DLG2: variants seen among roughly 807,000 people sequenced by gnomAD.
DLG2 encodes the protein discs large MAGUK scaffold protein 2.
In DLG2, 45 loss-of-function variants were observed where a neutral mutation model predicts 132.5. The observed-to-expected ratio is 0.34, with a 90% CI of 0.27 to 0.44. The LOEUF (loss-of-function observed/expected upper bound fraction) is 0.44, where lower values mean the gene tolerates loss of function less well. DLG2 is among the 20% of genes least tolerant of loss of function. The probability of loss-of-function intolerance (pLI) is 1.00; values close to 1 mark genes in which losing one functional copy is unlikely to be tolerated. For missense variants in DLG2, 1,045 were observed against 1,196.9 expected (o/e 0.87, Z 1.87); for synonymous variants, 424 against 419.6 (o/e 1.01, Z -0.13).
chr11:85,518,677 C>A (rs184006376), intron 3 of DLG2, among the ~76,000 whole-genome samples: 2 of 152,240 alleles, frequency 1.3e-5, no homozygotes, highest in Admixed American at 6.5e-5. Context: ...AACAAGGAGC[C>A]GAATGTTAAT....
At chr11:84,617,945 A>G (rs948594673) in intron 6 of DLG2, among the ~76,000 whole-genome samples, 1 of 152,116 alleles carries the variant, frequency 6.6e-6, no homozygotes, top group East Asian at 1.9e-4. Context: ...GTAAAGGGTA[A>G]AACAGGTATG....
chr11:83,463,551 G>A (rs1178619818), intron 26 of DLG2, among the ~76,000 whole-genome samples: 1 of 151,346 alleles, frequency 6.6e-6, no homozygotes, highest in Non-Finnish European at 1.5e-5. Flanking sequence ...CACCTTGGGA[G>A]GCTGAGGCAG....
intron 4 of DLG2, among the ~76,000 whole-genome samples, chr11:85,212,303 C>T (rs2082303760): frequency 6.6e-6 from 1 of 152,098 alleles, no homozygotes; most frequent in East Asian, 1.9e-4. Context: ...TTTCCACTCA[C>T]TCCCTCTCCT....
intron 4 of DLG2, among the ~76,000 whole-genome samples, chr11:85,265,892 CT>C (rs534756676): frequency 4.1e-4 from 62 of 152,292 alleles, no homozygotes; most frequent in African/African-American, 1.4e-3. Context: ...CTGCTGAAAG[CT>C]TCTCTCATTG....
intron 6 of DLG2, among the ~76,000 whole-genome samples, chr11:85,090,617 TCTC>T (rs1034893891): frequency 6.6e-6 from 1 of 152,170 alleles, no homozygotes; most frequent in African/African-American, 2.4e-5. Context: ...TCTCTTAACT[TCTC>T]CTCAACAATA....
In DLG2 at chr11:83,471,606, G is replaced by T. The variant is rs771369935; in HGVS notation, c.2446+20C>A. 6.3e-7 allele frequency: 1 copy of T among 1,575,954 alleles called. No individual in the cohort carries two copies. Among genetic ancestry groups the T allele is most frequent in the Non-Finnish European group, 8.7e-7 (1 of 1,146,266 alleles). ...CAAGCTCTTTTTGTTTTTCCTAGAGGAAAGAAAAATGACACTTACGAGGCA... is the reference window on the plus strand; with the variant it reads ...CAAGCTCTTTTTGTTTTTCCTAGAGTAAAGAAAAATGACACTTACGAGGCA... On this transcript the variant is annotated intron_variant, in intron 24 of 27. Transcript: ENST00000376104.
chr11:84,927,571 G>A lies in DLG2; in HGVS notation c.357+184090C>T, dbSNP rs186784576. Among the ~76,000 whole-genome samples the A allele has an allele frequency of 7.9e-5, 12 of 152,032 alleles. No homozygotes were observed. The East Asian group carries it at 1.9e-3, about 24-fold the overall frequency. On this transcript the variant is annotated intron_variant, in intron 6 of 27. Coordinates refer to ENST00000376104, the MANE Select transcript of DLG2 (RefSeq NM_001142699.3). ...AATATTTCAGGCTTGTAAGCCATACGATCTGTCACAACTACTCCATTTTAA... is the reference window on the plus strand; with the variant it reads ...AATATTTCAGGCTTGTAAGCCATACAATCTGTCACAACTACTCCATTTTAA...
chr11:84,949,381 G>C (rs1432649493), intron 6 of DLG2, among the ~76,000 whole-genome samples: 2 of 152,126 alleles, frequency 1.3e-5, no homozygotes, highest in Non-Finnish European at 2.9e-5. Flanking sequence ...TAATGAAGTT[G>C]AGACAGGGAT....
intron 8 of DLG2, among the ~76,000 whole-genome samples, chr11:84,228,709 C>T (rs930350479): frequency 1.3e-5 from 2 of 152,154 alleles, no homozygotes; most frequent in African/African-American, 2.4e-5. Context: ...AAGATAATAA[C>T]TGTCTTTTAG....
intron 6 of DLG2, among the ~76,000 whole-genome samples, chr11:84,624,265 C>A (rs1218972486): frequency 6.6e-6 from 1 of 152,160 alleles, no homozygotes; most frequent in Non-Finnish European, 1.5e-5. Flanking sequence ...TACAGAGGAT[C>A]TGAGGCATTA....
At chr11:85,531,663 G>C (rs2075217158) in intron 3 of DLG2, among the ~76,000 whole-genome samples, 1 of 152,184 alleles carries the variant, frequency 6.6e-6, no homozygotes, top group African/African-American at 2.4e-5. Flanking sequence ...AGGAAGAGAA[G>C]TGGGCGTAGA....
At chr11:85,599,990 C>T (rs1481501492) in intron 2 of DLG2, among the ~76,000 whole-genome samples, 1 of 152,084 alleles carries the variant, frequency 6.6e-6, no homozygotes, top group Admixed American at 6.6e-5. Context: ...ATAACAATAG[C>T]TTATATTTAT....
intron 18 of DLG2, among the ~76,000 whole-genome samples, chr11:83,720,316 A>AAAAAAAAAAAAAAC (rs2088111417): frequency 6.8e-6 from 1 of 148,070 alleles, no homozygotes; most frequent in Non-Finnish European, 1.5e-5. Flanking sequence ...AAAAAAAAAA[A>AAAAAAAAAAAAAAC]AAAAAAAAAA....
At chr11:84,411,292 C>T (rs1319800259) in intron 7 of DLG2, among the ~76,000 whole-genome samples, 1 of 152,150 alleles carries the variant, frequency 6.6e-6, no homozygotes, top group East Asian at 1.9e-4. Flanking sequence ...CACAACAGCT[C>T]CTTATATGCT....
intron 4 of DLG2, among the ~76,000 whole-genome samples, chr11:85,192,043 G>A (rs2080626193): frequency 6.6e-6 from 1 of 152,100 alleles, no homozygotes; most frequent in African/African-American, 2.4e-5. Flanking sequence ...AAATAGAAAG[G>A]AGTTGAACTG....
At chr11:85,109,106 T>G (rs1486937865) in intron 6 of DLG2, among the ~76,000 whole-genome samples, 2 of 152,092 alleles carry the variant, frequency 1.3e-5, no homozygotes, top group Non-Finnish European at 2.9e-5. Context: ...GTCTTCCTCC[T>G]GGATCAGTCA....
At chr11:85,439,361 T>TC (rs1190784671) in intron 3 of DLG2, among the ~76,000 whole-genome samples, 4 of 151,258 alleles carry the variant, frequency 2.6e-5, no homozygotes, top group African/African-American at 9.7e-5. Flanking sequence ...TCAGCATTTT[T>TC]TTTTTTTTTT....
At chr11:85,588,406 G>T (rs1052072385) in intron 3 of DLG2, among the ~76,000 whole-genome samples, 2 of 151,896 alleles carry the variant, frequency 1.3e-5, no homozygotes, top group Admixed American at 1.3e-4. Flanking sequence ...TTTGGATTAG[G>T]TTACTTCGAA....
intron 6 of DLG2, among the ~76,000 whole-genome samples, chr11:84,889,380 C>T (rs1299861110): frequency 6.6e-6 from 1 of 152,102 alleles, no homozygotes; most frequent in African/African-American, 2.4e-5. Context: ...TGGGCCTTAA[C>T]TGATTTGCAA....
Sources: allele counts gnomAD v4.1 joint callset (sites outside exome capture counted in the v4.1 genomes callset), GRCh38; gene constraint gnomAD v4.1.1; transcripts MANE v1.5; gene names NCBI Gene and HGNC (gene_info 2026-07-23, HGNC 2026-07-21).